The following STAG1 variants were observed in gnomAD, a reference collection of about 807,000 sequenced individuals.
STAG1 encodes STAG1 cohesin complex component.
STAG1 carries 26 observed loss-of-function variants against 170.9 expected under a neutral mutation model. That is an observed-to-expected ratio of 0.15 (90% CI 0.11 to 0.21). The LOEUF (loss-of-function observed/expected upper bound fraction) is 0.21. Ranked by LOEUF, STAG1 falls within the 10% of genes least tolerant of loss-of-function variation. The pLI is 1.00. For missense variants in STAG1, 964 were observed against 1,509.5 expected, an observed-to-expected ratio of 0.64 and a Z score of 5.99; for synonymous variants, 514 against 497.7, an observed-to-expected ratio of 1.03 and a Z score of -0.44.
intron 22 of STAG1, among the ~76,000 whole-genome samples, chr3:136,392,102 A>T (rs1576420404): frequency 6.6e-6 from 1 of 152,250 alleles, no homozygotes; most frequent in South Asian, 2.1e-4. Flanking sequence ...AGTACTCTTT[A>T]AAAAGCGATT....
chr3:136,521,428 G>C lies in STAG1; in HGVS notation c.472-11C>G, dbSNP rs769847720. 5 of 1,610,502 alleles carry C rather than the reference G, an allele frequency of 3.1e-6. No individual in the cohort carries two copies. Among genetic ancestry groups the C allele is most frequent in the Non-Finnish European group, 4.2e-6 (5 of 1,177,608 alleles). ...ATAATCACCACTGTCCTAAAAAACA[G>C]AAAAAGAACATATTAAGTATGTCAC... On this transcript the variant is annotated splice_polypyrimidine_tract_variant and intron_variant, in intron 6 of 33. Coordinates refer to ENST00000383202, the MANE Select transcript of STAG1 (RefSeq NM_005862.3).
chr3:136,631,426 A>G (rs1364011736), intron 1 of STAG1, among the ~76,000 whole-genome samples: 1 of 152,246 alleles, frequency 6.6e-6, no homozygotes, highest in Non-Finnish European at 1.5e-5. Context: ...GAACAGGCAG[A>G]TCACAGAAGA....
intron 1 of STAG1, among the ~76,000 whole-genome samples, chr3:136,744,246 G>C (rs1014598361): frequency 6.6e-6 from 1 of 152,206 alleles, no homozygotes; most frequent in Non-Finnish European, 1.5e-5. Flanking sequence ...AGAATTGCTT[G>C]AACTGGGGAA....
intron 5 of STAG1, among the ~76,000 whole-genome samples, chr3:136,551,262 G>GAGAGAGAGAGAGAGAGA: frequency 1.8e-5 from 1 of 55,204 alleles, no homozygotes; most frequent in Non-Finnish European, 3.7e-5. Flanking sequence ...AGAGAGAGAG[G>GAGAGAGAGAGAGAGAGA]GAGAGCGAGA....
intron 1 of STAG1, among the ~76,000 whole-genome samples, chr3:136,708,450 A>G (rs1943288272): frequency 6.6e-6 from 1 of 152,096 alleles, no homozygotes; most frequent in Non-Finnish European, 1.5e-5. Context: ...GATTGCCAGG[A>G]GACTGGGGGG....
chr3:136,538,911 G>C (rs549552603), intron 6 of STAG1, among the ~76,000 whole-genome samples: 1 of 152,132 alleles, frequency 6.6e-6, no homozygotes, highest in Non-Finnish European at 1.5e-5. Flanking sequence ...GAGGCAGGTG[G>C]ATCACGAGGT....
intron 4 of STAG1, among the ~76,000 whole-genome samples, chr3:136,588,070 T>C (rs936533453): frequency 1.3e-5 from 2 of 152,226 alleles, no homozygotes; most frequent in Non-Finnish European, 2.9e-5. Flanking sequence ...GTCAAATACC[T>C]TTTATGTTAA....
At chr3:136,534,036 A>C (rs865810227) in intron 6 of STAG1, among the ~76,000 whole-genome samples, 34 of 152,234 alleles carry the variant, frequency 2.2e-4, no homozygotes, top group African/African-American at 7.5e-4. Context: ...CCAACAGAAC[A>C]AAGTATTGGT....
intron 4 of STAG1, among the ~76,000 whole-genome samples, chr3:136,590,258 G>A (rs557682654): frequency 5.1e-4 from 78 of 152,230 alleles, no homozygotes; most frequent in African/African-American, 1.8e-3. Context: ...GTTGAGGTGG[G>A]TGGATCACGA....
chr3:136,604,935 C>T (rs920536844), intron 3 of STAG1, among the ~76,000 whole-genome samples: 1 of 152,150 alleles, frequency 6.6e-6, no homozygotes, highest in Non-Finnish European at 1.5e-5. Flanking sequence ...ACAGCATGAG[C>T]CACCACACCT....
In STAG1 at chr3:136,398,802, G is replaced by A; in HGVS notation, c.2224C>T (p.His742Tyr). ...QIVVQALQCS[H>Y]YSILWQLVKI... The stretch of plus-strand genomic sequence containing the variant: ...ACCAACTGCCAAAGAATCGAATAAT[G>A]GGAACACTGCAGTGCTTGCACGACT... Residue 742 changes from histidine to tyrosine, a missense_variant, in exon 22 of 34, where the codon CAT becomes TAT. His to Tyr is a moderately conservative substitution (Grantham distance 83). This residue lies in a region of STAG1 where 232 missense variants were observed against 313.0 expected (regional missense o/e 0.74). Coordinates refer to ENST00000383202, the MANE Select transcript of STAG1 (RefSeq NM_005862.3). The A allele has an allele frequency of 6.2e-7, 1 of 1,600,260 alleles. No homozygotes were observed. Among genetic ancestry groups the A allele is most frequent in the Non-Finnish European group, 8.5e-7 (1 of 1,172,602 alleles).
At chr3:136,537,208 T>C (rs753918874) in intron 6 of STAG1, among the ~76,000 whole-genome samples, 15 of 152,200 alleles carry the variant, frequency 9.9e-5, no homozygotes, top group South Asian at 2.1e-4. Context: ...GAGTGGTGTA[T>C]TGTAAGAAAA....
intron 28 of STAG1, among the ~76,000 whole-genome samples, chr3:136,353,597 G>A (rs1243327231): frequency 6.6e-6 from 1 of 152,212 alleles, no homozygotes; most frequent in African/African-American, 2.4e-5. Context: ...ACTATCAAAC[G>A]AGAATCTTAC....
At chr3:136,498,276 CA>C (rs1933261345) in intron 9 of STAG1, among the ~76,000 whole-genome samples, 2 of 96,324 alleles carry the variant, frequency 2.1e-5, no homozygotes, top group South Asian at 3.7e-4. Flanking sequence ...ACACACACCA[CA>C]CACACATACA....
intron 4 of STAG1, among the ~76,000 whole-genome samples, chr3:136,595,092 A>G (rs1316714965): frequency 1.3e-5 from 2 of 152,196 alleles, no homozygotes; most frequent in African/African-American, 2.4e-5. Flanking sequence ...TTTATAGTTG[A>G]TATCTAGGTG....
At chr3:136,359,561 G>A (rs981762832) in intron 26 of STAG1, among the ~76,000 whole-genome samples, 4 of 152,060 alleles carry the variant, frequency 2.6e-5, no homozygotes, top group South Asian at 2.1e-4. Context: ...TGAGAGTCTC[G>A]CTCTGTCACC....
chr3:136,478,233 C>A (rs1488189654), intron 9 of STAG1, among the ~76,000 whole-genome samples: 1 of 152,086 alleles, frequency 6.6e-6, no homozygotes, highest in Non-Finnish European at 1.5e-5. Context: ...CAATGGTAAC[C>A]ATCTTGGTGA....
chr3:136,388,421 T>G (rs1157414141), intron 22 of STAG1, among the ~76,000 whole-genome samples: 5 of 152,164 alleles, frequency 3.3e-5, no homozygotes, highest in African/African-American at 9.7e-5. Flanking sequence ...CAGGCTGGAG[T>G]GCAGTGGTGC....
chr3:136,662,429 G>T (rs1349454293), intron 1 of STAG1, among the ~76,000 whole-genome samples: 1 of 152,044 alleles, frequency 6.6e-6, no homozygotes, highest in Non-Finnish European at 1.5e-5. Context: ...TGGGATTACA[G>T]GCATGAACCA....
Sources: allele counts gnomAD v4.1 joint callset (sites outside exome capture counted in the v4.1 genomes callset), GRCh38; gene constraint gnomAD v4.1.1; regional missense constraint gnomAD v4.1.1; transcripts MANE v1.5; gene names NCBI Gene and HGNC (gene_info 2026-07-23, HGNC 2026-07-21).